DPP6: variants seen among roughly 807,000 people sequenced by gnomAD.
DPP6 encodes the protein A-type potassium channel modulatory protein DPP6.
A neutral mutation model predicts 122.6 loss-of-function variants in DPP6; 69 were observed. The ratio of observed to expected loss-of-function variants is 0.56; its 90% CI spans 0.46 to 0.69. The LOEUF (loss-of-function observed/expected upper bound fraction) is 0.69, where lower values mean the gene tolerates loss of function less well. DPP6 is among the 30% of genes least tolerant of loss of function. The pLI is 0.00. For missense variants in DPP6, 928 were observed against 1,116.9 expected (o/e 0.83, Z 2.41); for synonymous variants, 418 against 433.1 (o/e 0.97, Z 0.43).
chr7:153,899,882 A>T (rs1336870756), intron 1 of DPP6, among the ~76,000 whole-genome samples: 1 of 152,226 alleles, frequency 6.6e-6, no homozygotes, highest in African/African-American at 2.4e-5. Flanking sequence ...GAAGGCTATT[A>T]TCTAATCATG....
intron 16 of DPP6, among the ~76,000 whole-genome samples, chr7:154,828,318 C>CT (rs564896075): frequency 9.1e-4 from 135 of 149,158 alleles, no homozygotes; most frequent in African/African-American, 2.0e-3. Context: ...GCTGTAAAAT[C>CT]TTTTTTTTTT....
At chr7:154,389,052 G>A (rs148973992) in intron 1 of DPP6, among the ~76,000 whole-genome samples, 9 of 152,220 alleles carry the variant, frequency 5.9e-5, no homozygotes, top group African/African-American at 1.7e-4. Flanking sequence ...GAAAGCTGTC[G>A]TTCACCTTGA....
At chr7:154,670,969 T>C (rs1411502359) in intron 7 of DPP6, among the ~76,000 whole-genome samples, 1 of 152,130 alleles carries the variant, frequency 6.6e-6, no homozygotes, top group Non-Finnish European at 1.5e-5. Context: ...CTGATCAAAA[T>C]CACAGGGTGA....
intron 16 of DPP6, among the ~76,000 whole-genome samples, chr7:154,848,773 C>T (rs1802144744): frequency 6.6e-6 from 1 of 151,432 alleles, no homozygotes; most frequent in East Asian, 2.0e-4. Flanking sequence ...ATGTTTTCTT[C>T]CAGTAGTTTT....
intron 1 of DPP6, among the ~76,000 whole-genome samples, chr7:154,191,457 C>A (rs947477974): frequency 6.6e-5 from 10 of 152,118 alleles, no homozygotes; most frequent in African/African-American, 2.4e-4. Context: ...ATCATAAGTG[C>A]AATGTGCGCA....
intron 1 of DPP6, among the ~76,000 whole-genome samples, chr7:154,290,078 A>C (rs1196399736): frequency 6.6e-6 from 1 of 152,216 alleles, no homozygotes; most frequent in East Asian, 1.9e-4. Flanking sequence ...ACATGGACAC[A>C]CTGCAGTGCC....
intron 7 of DPP6, among the ~76,000 whole-genome samples, chr7:154,723,485 A>G (rs770029655): frequency 6.6e-6 from 1 of 150,630 alleles, no homozygotes; most frequent in African/African-American, 2.4e-5. Flanking sequence ...AAAAAAAGCT[A>G]AAACTTAGTA....
At position 154,318,709 on chromosome 7, in the gene DPP6, G is replaced by A. The variant is rs1247820588; in HGVS notation, c.244-127505G>A. On this transcript the variant is annotated intron_variant, in intron 1 of 25. Transcript: ENST00000377770. ...TGGGTTTCTGTCCTTTGTTATTCAG[G>A]ATGTATTTCTTTCTTTCTTGGGCTC... 4.6e-5 allele frequency among the ~76,000 whole-genome samples: 7 copies of A among 152,300 alleles called. No individual in the cohort carries two copies. In the East Asian group the frequency reaches 1.2e-3, roughly 25 times the overall value.
At chr7:154,196,657 G>A (rs2150776239) in intron 1 of DPP6, among the ~76,000 whole-genome samples, 1 of 152,278 alleles carries the variant, frequency 6.6e-6, no homozygotes, top group East Asian at 1.9e-4. Flanking sequence ...GACCACCTGG[G>A]CTCCCTGGCC....
At chr7:154,699,469 G>C (rs768762947) in intron 7 of DPP6, among the ~76,000 whole-genome samples, 3 of 152,174 alleles carry the variant, frequency 2.0e-5, no homozygotes, top group Non-Finnish European at 4.4e-5. Context: ...AAAGCTTTCA[G>C]AGAGAAAACG....
chr7:154,293,691 A>G (rs1005791417), intron 1 of DPP6, among the ~76,000 whole-genome samples: 5 of 152,202 alleles, frequency 3.3e-5, no homozygotes, highest in Admixed American at 6.5e-5. Context: ...CTGTGACCCT[A>G]CTACCCTGTG....
At chr7:154,104,950 T>C (rs1201667841) in intron 1 of DPP6, among the ~76,000 whole-genome samples, 1 of 152,144 alleles carries the variant, frequency 6.6e-6, no homozygotes, top group African/African-American at 2.4e-5. Flanking sequence ...TGTGCTTACA[T>C]AACAAACACT....
chr7:153,832,899 A>G, the DPP6 span, among the ~76,000 whole-genome samples: 1 of 152,146 alleles, frequency 6.6e-6, no homozygotes, highest in Non-Finnish European at 1.5e-5. Context: ...GAGATAGTGT[A>G]CTGTAGAACT....
In DPP6 at chr7:154,021,068, C is replaced by T. The variant is rs138512079; in HGVS notation, c.51+133334C>T. 9.4e-3 allele frequency among the ~76,000 whole-genome samples: 1,434 copies of T among 152,228 alleles called. 16 individuals are homozygous for T. The highest frequency in any genetic ancestry group is 0.038 in the South Asian group (181 of 4,816). On this transcript the variant is annotated intron_variant, in intron 1 of 25. Coordinates refer to the DPP6 transcript ENST00000404039. Reference sequence around the variant, plus strand: ...CCGGGGAATAGCATCATTCCACCAACGGAGGACCACAGGGCTTGGTGTAAC... The same window carrying T: ...CCGGGGAATAGCATCATTCCACCAATGGAGGACCACAGGGCTTGGTGTAAC...
At chr7:153,772,992 ATATATAAAAGAAAAGACATATAT>A in the DPP6 span, among the ~76,000 whole-genome samples, 1 of 123,754 alleles carries the variant, frequency 8.1e-6, no homozygotes, top group African/African-American at 2.8e-5. Context: ...TTATATAATA[ATATATAAAAGAAAAGACATATAT>A]TATATAATAA....
chr7:154,653,616 A>T (rs539778872), intron 6 of DPP6, among the ~76,000 whole-genome samples: 1 of 147,562 alleles, frequency 6.8e-6, no homozygotes, highest in Non-Finnish European at 1.5e-5. Flanking sequence ...GATAGATGAT[A>T]GACTGATTGG....
chr7:154,612,355 T>TGACCGTCTCTAATA (rs1158190600), intron 5 of DPP6, among the ~76,000 whole-genome samples: 1 of 152,206 alleles, frequency 6.6e-6, no homozygotes, highest in Non-Finnish European at 1.5e-5. Context: ...ATCAATCTAT[T>TGACCGTCTCTAATA]GACCGTCTCT....
At chr7:154,639,384 T>G (rs1835922011) in intron 6 of DPP6, among the ~76,000 whole-genome samples, 1 of 152,254 alleles carries the variant, frequency 6.6e-6, no homozygotes, top group African/African-American at 2.4e-5. Flanking sequence ...TATCCCATTC[T>G]TTCCCAAGCA....
rs548285467 is a variant in DPP6, at chr7:154,660,208, T to C, written c.681-9152T>C. Among the ~76,000 whole-genome samples, 166 of 149,638 alleles carry C rather than the reference T, an allele frequency of 1.1e-3. 5 individuals carry two copies. The East Asian group carries it at 0.031, about 28-fold the overall frequency. The stretch of plus-strand genomic sequence containing the variant: ...CTAGTGTTCATGCAGTGATGGTGAA[T>C]CACCATGGCATATTGGCCGTAGTGT... On this transcript the variant is annotated intron_variant, in intron 6 of 25. Coordinates refer to ENST00000377770, the MANE Select transcript of DPP6 (RefSeq NM_130797.4).
Sources: gnomAD v4.1 joint callset for allele counts (sites outside exome capture counted in the v4.1 genomes callset) on GRCh38, gnomAD v4.1.1 for gene constraint, MANE v1.5 for transcripts, NCBI Gene and HGNC (gene_info 2026-07-23, HGNC 2026-07-21) for gene names.